SAMD3: variants seen among roughly 807,000 people sequenced by gnomAD.
The protein encoded by SAMD3 is sterile alpha motif domain-containing protein 3.
A neutral mutation model predicts 58.5 loss-of-function variants in SAMD3; 63 were observed. The ratio of observed to expected loss-of-function variants is 1.08; its 90% CI spans 0.88 to 1.33. The LOEUF is 1.33. Ranked by LOEUF, SAMD3 falls within the 40% of genes most tolerant of loss-of-function variation. The pLI, the probability that SAMD3 is intolerant of heterozygous loss-of-function variation, is 0.00. For missense variants in SAMD3, 604 were observed against 608.4 expected (o/e 0.99, Z 0.08); for synonymous variants, 220 against 210.3 (o/e 1.05, Z -0.40).
At chr6:130,192,153 C>A (rs972609787) in intron 5 of SAMD3, among the ~76,000 whole-genome samples, 1 of 152,190 alleles carries the variant, frequency 6.6e-6, no homozygotes, top group Non-Finnish European at 1.5e-5. Context: ...GATTTTCCTA[C>A]GTCCTTGTTG....
At chr6:130,172,649 C>T (rs34771463) in intron 8 of SAMD3, among the ~76,000 whole-genome samples, 12,793 of 152,124 alleles carry the variant, frequency 0.084, 796 homozygotes, top group African/African-American at 0.17. Context: ...TTTTTTCCTT[C>T]GTTTCAACCC....
At chr6:130,245,176 G>T (rs1455889111) in intron 2 of SAMD3, among the ~76,000 whole-genome samples, 2 of 152,202 alleles carry the variant, frequency 1.3e-5, no homozygotes, top group South Asian at 2.1e-4. Flanking sequence ...AAGAACTAAA[G>T]TTGTGTGGAA....
intron 8 of SAMD3, 64 bp downstream of exon 8, chr6:130,175,777 T>G: frequency 9.8e-7 from 1 of 1,017,314 alleles, no homozygotes; most frequent in East Asian, 2.4e-5. Context: ...TGCTATTATT[T>G]ATTATCCCTT....
exon 1 of SAMD3, chr6:130,365,150 C>T (rs979827118): frequency 2.0e-6 from 2 of 982,450 alleles, no homozygotes; most frequent in African/African-American, 3.5e-5. Flanking sequence ...CAGTCATCAC[C>T]GTCTTTGCCG....
intron 5 of SAMD3, among the ~76,000 whole-genome samples, chr6:130,208,727 A>G (rs1426829807): frequency 2.0e-5 from 3 of 152,140 alleles, no homozygotes; most frequent in Non-Finnish European, 2.9e-5. Flanking sequence ...TGAGTTGTAT[A>G]ATTATTTTAT....
rs567217625 is a variant in SAMD3 at position 130,303,993 on chromosome 6, T to C, written c.-188+8985A>G. ...CCTTTAAGTTTGTCATTTTTGTTTTTTCTTTAATAAATTCTAACTTGAGTG... is the reference window on the plus strand; with the variant it reads ...CCTTTAAGTTTGTCATTTTTGTTTTCTCTTTAATAAATTCTAACTTGAGTG... On this transcript the variant is annotated intron_variant, in intron 2 of 13. Transcript: ENST00000368134. Among the ~76,000 whole-genome samples the C allele has an allele frequency of 1.4e-3, 210 of 152,338 alleles. 1 individual carries two copies. The highest frequency in any genetic ancestry group is 4.8e-3 in the African/African-American group (201 of 41,588).
chr6:130,344,865 C>T (rs1178115882), intron 1 of SAMD3, among the ~76,000 whole-genome samples: 2 of 139,310 alleles, frequency 1.4e-5, no homozygotes, highest in Non-Finnish European at 3.1e-5. Flanking sequence ...AGAAAGACTG[C>T]ATTCCTTTTA....
At chr6:130,207,684 C>G (rs1795198569) in intron 5 of SAMD3, among the ~76,000 whole-genome samples, 2 of 152,170 alleles carry the variant, frequency 1.3e-5, no homozygotes, top group Admixed American at 1.3e-4. Flanking sequence ...TTTCCACTTT[C>G]TGAATCATAG....
chr6:130,173,096 G>A (rs1307152251), intron 8 of SAMD3, among the ~76,000 whole-genome samples: 1 of 152,178 alleles, frequency 6.6e-6, no homozygotes, highest in Non-Finnish European at 1.5e-5. Flanking sequence ...AACAGTTCCT[G>A]TAACCTTTTA....
intron 2 of SAMD3, among the ~76,000 whole-genome samples, chr6:130,267,311 T>A (rs1215129953): frequency 6.6e-6 from 1 of 152,206 alleles, no homozygotes. Context: ...GGAACCTGCT[T>A]ACTGCTCCCT....
At chr6:130,233,166 C>T (rs1179422518) in intron 2 of SAMD3, among the ~76,000 whole-genome samples, 3 of 152,126 alleles carry the variant, frequency 2.0e-5, no homozygotes, top group Admixed American at 2.0e-4. Context: ...AGCTGGGTGG[C>T]TACAAATTTG....
chr6:130,345,679 G>T (rs561347764), intron 1 of SAMD3, among the ~76,000 whole-genome samples: 3 of 152,028 alleles, frequency 2.0e-5, no homozygotes, highest in Admixed American at 6.5e-5. Context: ...TTTATTGAAT[G>T]AGTAAATACA....
intron 1 of SAMD3, among the ~76,000 whole-genome samples, chr6:130,356,852 C>T (rs912266408): frequency 1.3e-5 from 2 of 152,174 alleles, no homozygotes; most frequent in African/African-American, 4.8e-5. Flanking sequence ...AAGAGGACAA[C>T]CAGACAGCCA....
chr6:130,200,263 T>A (rs1349089580), intron 5 of SAMD3, among the ~76,000 whole-genome samples: 2 of 151,972 alleles, frequency 1.3e-5, no homozygotes, highest in Non-Finnish European at 2.9e-5. Flanking sequence ...TTTTCTTTTT[T>A]TCTTCCTCAT....
chr6:130,174,557 C>T (rs1251620494), intron 8 of SAMD3, among the ~76,000 whole-genome samples: 2 of 152,190 alleles, frequency 1.3e-5, no homozygotes, highest in East Asian at 3.9e-4. Flanking sequence ...AATTACCCAC[C>T]TTCTGCATTG....
At chr6:130,200,391 A>AT (rs938991323) in intron 5 of SAMD3, among the ~76,000 whole-genome samples, 2 of 150,538 alleles carry the variant, frequency 1.3e-5, no homozygotes, top group Non-Finnish European at 3.0e-5. Flanking sequence ...AATACAAAAA[A>AT]AAAAAAAATT....
intron 1 of SAMD3, among the ~76,000 whole-genome samples, chr6:130,336,352 C>A (rs1409786708): frequency 6.6e-6 from 1 of 152,088 alleles, no homozygotes; most frequent in Admixed American, 6.5e-5. Flanking sequence ...AATTCTGATA[C>A]GTGTGCATCT....
At chr6:130,335,897 A>T (rs1456690937) in intron 1 of SAMD3, among the ~76,000 whole-genome samples, 1 of 152,050 alleles carries the variant, frequency 6.6e-6, no homozygotes, top group African/African-American at 2.4e-5. Context: ...CATCATTCTC[A>T]GTAAACTATC....
intron 2 of SAMD3, among the ~76,000 whole-genome samples, chr6:130,298,385 C>G (rs374671983): frequency 6.6e-6 from 1 of 152,142 alleles, no homozygotes; most frequent in Admixed American, 6.5e-5. Flanking sequence ...CAGAAGAGAT[C>G]TGCACATGGA....
Sources: gnomAD v4.1 joint callset for allele counts (sites outside exome capture counted in the v4.1 genomes callset) on GRCh38, gnomAD v4.1.1 for gene constraint, MANE v1.5 for transcripts, NCBI Gene and HGNC (gene_info 2026-07-23, HGNC 2026-07-21) for gene names.